DHX35: variants seen among roughly 807,000 people sequenced by gnomAD.
The protein encoded by DHX35 is probable ATP-dependent RNA helicase DHX35.
In DHX35, 84 loss-of-function variants were observed where a neutral mutation model predicts 99.6. The ratio of observed to expected loss-of-function variants is 0.84; its 90% CI spans 0.71 to 1.01. The LOEUF (loss-of-function observed/expected upper bound fraction) is 1.01, where lower values mean the gene tolerates loss of function less well. Among genes scored for constraint, DHX35 ranks in the 50% least tolerant of loss-of-function variants. The pLI is 0.00. For missense variants in DHX35, 852 were observed against 888.5 expected, an observed-to-expected ratio of 0.96 and a Z score of 0.52; for synonymous variants, 331 against 316.2, an observed-to-expected ratio of 1.05 and a Z score of -0.50.
At chr20:39,010,474 C>G in intron 13 of DHX35, 70 bp downstream of exon 13, 1 of 1,577,196 alleles carries the variant, frequency 6.3e-7, no homozygotes, top group Non-Finnish European at 8.6e-7. Flanking sequence ...AGGACATTGT[C>G]GTAGGGCATG....
chr20:39,031,418 C>G (rs888725140), intron 20 of DHX35, among the ~76,000 whole-genome samples: 3 of 151,076 alleles, frequency 2.0e-5, no homozygotes, highest in Admixed American at 1.3e-4. Flanking sequence ...CTCACTGCAA[C>G]CTCTGCCTCC....
At chr20:38,969,363 G>T in intron 2 of DHX35, 149 bp downstream of exon 2, 1 of 947,246 alleles carries the variant, frequency 1.1e-6, no homozygotes. Flanking sequence ...TTCATACTGT[G>T]TATTTTTTAG....
At chr20:39,011,091 G>A (rs1464116312) in intron 13 of DHX35, among the ~76,000 whole-genome samples, 1 of 151,908 alleles carries the variant, frequency 6.6e-6, no homozygotes, top group African/African-American at 2.4e-5. Flanking sequence ...TCATAAGATA[G>A]ATTTTTATAA....
At position 39,012,064 on chromosome 20, in the gene DHX35, A is replaced by G. The variant is rs140542153; in HGVS notation, c.1347+1660A>G. ...GGACTTCAAGACCAGCCTGGCCAAC[A>G]TGGTGAAACCCCGTCTCTACTAAAA... On this transcript the variant is annotated intron_variant, in intron 13 of 21. Coordinates refer to ENST00000252011, the MANE Select transcript of DHX35 (RefSeq NM_021931.4). Among the ~76,000 whole-genome samples the G allele has an allele frequency of 3.7e-3, 568 of 152,300 alleles. 2 individuals are homozygous for G. Among genetic ancestry groups the G allele is most frequent in the African/African-American group, 0.013 (546 of 41,570 alleles).
intron 20 of DHX35, among the ~76,000 whole-genome samples, chr20:39,033,151 G>A (rs982475288): frequency 1.3e-5 from 2 of 152,070 alleles, no homozygotes; most frequent in East Asian, 1.9e-4. Flanking sequence ...CAGGAGGATC[G>A]CTTGAGCCCA....
At chr20:38,990,238 T>C (rs2145872545) in intron 5 of DHX35, among the ~76,000 whole-genome samples, 1 of 152,338 alleles carries the variant, frequency 6.6e-6, no homozygotes, top group East Asian at 1.9e-4. Context: ...AAGTTCTCAC[T>C]ACGTATGTAT....
At chr20:39,008,179 T>C (rs1340539534) in intron 12 of DHX35, among the ~76,000 whole-genome samples, 2 of 152,238 alleles carry the variant, frequency 1.3e-5, no homozygotes, top group African/African-American at 4.8e-5. Context: ...TTTAGCATAA[T>C]GGTTTTGAGG....
At chr20:39,029,603 C>G (rs1278157047) in intron 19 of DHX35, 1 of 152,086 alleles carries the variant, frequency 6.6e-6, no homozygotes, top group South Asian at 2.1e-4. Context: ...GCAACTTGTC[C>G]ATGTGGAGGC....
intron 13 of DHX35, among the ~76,000 whole-genome samples, chr20:39,011,069 T>C (rs867702816): frequency 6.6e-6 from 1 of 152,078 alleles, no homozygotes; most frequent in Non-Finnish European, 1.5e-5. Flanking sequence ...ATTATAATTA[T>C]TTTTAAATTT....
At chr20:39,009,445 G>A (rs1424429546) in intron 12 of DHX35, among the ~76,000 whole-genome samples, 1 of 150,982 alleles carries the variant, frequency 6.6e-6, no homozygotes, top group Non-Finnish European at 1.5e-5. Context: ...AAAGCTTTAT[G>A]ATCTAAATGG....
At chr20:38,985,812 A>G (rs1418648400) in intron 4 of DHX35, among the ~76,000 whole-genome samples, 3 of 152,230 alleles carry the variant, frequency 2.0e-5, no homozygotes, top group African/African-American at 7.2e-5. Flanking sequence ...TGAAAGAGCA[A>G]AGAGCATGTA....
chr20:39,014,985 A>C, intron 14 of DHX35, 51 bp downstream of exon 14: 1 of 1,604,550 alleles, frequency 6.2e-7, no homozygotes, highest in Non-Finnish European at 8.5e-7. Context: ...GTCTTTTGTG[A>C]TATTAGTGAG....
At chr20:38,976,336 CTGTG>C (rs11472267) in intron 3 of DHX35, among the ~76,000 whole-genome samples, 4 of 146,138 alleles carry the variant, frequency 2.7e-5, no homozygotes, top group East Asian at 2.0e-4. Flanking sequence ...AGAGAAGTGT[CTGTG>C]TGTGTGTGTG....
intron 3 of DHX35, among the ~76,000 whole-genome samples, chr20:38,981,822 T>C (rs983960483): frequency 3.3e-5 from 5 of 151,592 alleles, no homozygotes; most frequent in African/African-American, 1.2e-4. Flanking sequence ...TGCATACTTG[T>C]AATCCCATCT....
chr20:39,022,195 C>T (rs1255517138), intron 16 of DHX35, among the ~76,000 whole-genome samples: 1 of 152,138 alleles, frequency 6.6e-6, no homozygotes, highest in Non-Finnish European at 1.5e-5. Flanking sequence ...AAGTCTCGCT[C>T]TGTTGCTCAG....
At chr20:39,020,516 T>C (rs1315305621) in intron 15 of DHX35, among the ~76,000 whole-genome samples, 2 of 152,216 alleles carry the variant, frequency 1.3e-5, no homozygotes, top group Non-Finnish European at 2.9e-5. Context: ...AAAGACAGTT[T>C]AATTTTTTCT....
chr20:38,991,897 A>G (rs2086343947), intron 6 of DHX35, among the ~76,000 whole-genome samples: 1 of 152,172 alleles, frequency 6.6e-6, no homozygotes. Context: ...TCACAGCATT[A>G]AAGCTGTCCT....
intron 8 of DHX35, among the ~76,000 whole-genome samples, chr20:38,998,616 C>G (rs914812852): frequency 6.6e-6 from 1 of 152,190 alleles, no homozygotes; most frequent in East Asian, 1.9e-4. Flanking sequence ...AAACCTGACT[C>G]AAATTCTTCT....
intron 21 of DHX35, among the ~76,000 whole-genome samples, chr20:39,036,645 G>C (rs1195072274): frequency 1.4e-5 from 2 of 138,416 alleles, no homozygotes; most frequent in Non-Finnish European, 3.0e-5. Context: ...AGAATCACTT[G>C]AACCTAGGAG....
Sources: allele counts gnomAD v4.1 joint callset (sites outside exome capture counted in the v4.1 genomes callset), GRCh38; gene constraint gnomAD v4.1.1; transcripts MANE v1.5; gene names NCBI Gene and HGNC (gene_info 2026-07-23, HGNC 2026-07-21).